Variants in GFRA1 observed in about 807,000 individuals in gnomAD.
GFRA1 encodes GDNF family receptor alpha-1.
Under a neutral mutation model 51.6 loss-of-function variants are expected in GFRA1, and 16 were observed. The ratio of observed to expected loss-of-function variants is 0.31; its 90% CI spans 0.21 to 0.47. The LOEUF is 0.47. GFRA1 is among the 20% of genes least tolerant of loss of function. The pLI is 1.00. For synonymous variants in GFRA1, 270 were observed against 241.3 expected (o/e 1.12, Z -1.10); for missense variants, 530 against 594.3 (o/e 0.89, Z 1.13).
intron 5 of GFRA1, among the ~76,000 whole-genome samples, chr10:116,174,951 C>T (rs11197568): frequency 0.13 from 19,373 of 152,066 alleles, 1,618 homozygotes; most frequent in East Asian, 0.25. Flanking sequence ...TGAGAAAGGC[C>T]CCACCACGGA....
rs552916944 is a variant in GFRA1, at chr10:116,174,034, C to T, written c.433+37597G>A. Among the ~76,000 whole-genome samples the T allele has an allele frequency of 5.9e-5, 9 of 152,106 alleles. No homozygotes were observed. In the East Asian group the frequency reaches 7.8e-4, roughly 13 times the overall value. ...GGCAGAGGTTGTGGTGAGCCAAGAT[C>T]GCACCATTGCACTCCAGCCTGGGCA... On this transcript the variant is annotated intron_variant, in intron 5 of 10. Coordinates refer to ENST00000355422, the MANE Select transcript of GFRA1 (RefSeq NM_005264.8).
intron 5 of GFRA1, among the ~76,000 whole-genome samples, chr10:116,130,069 G>A (rs1958042515): frequency 6.7e-6 from 1 of 148,638 alleles, no homozygotes; most frequent in African/African-American, 2.5e-5. Context: ...TTTATTTACA[G>A]CACGATCAAT....
At chr10:116,204,225 T>C (rs1257896025) in intron 5 of GFRA1, among the ~76,000 whole-genome samples, 1 of 152,184 alleles carries the variant, frequency 6.6e-6, no homozygotes, top group African/African-American at 2.4e-5. Context: ...AAATAACCAG[T>C]GAGAGGAGGC....
intron 5 of GFRA1, among the ~76,000 whole-genome samples, chr10:116,153,298 G>A (rs1312071311): frequency 1.3e-5 from 2 of 152,164 alleles, no homozygotes; most frequent in African/African-American, 2.4e-5. Flanking sequence ...AGCACCCAGG[G>A]TTACCATTTC....
intron 4 of GFRA1, chr10:116,255,860 C>G: frequency 1.9e-6 from 1 of 528,414 alleles, no homozygotes; most frequent in Non-Finnish European, 2.4e-6. Context: ...AGTAGAAAAT[C>G]AGTGTTTTGG....
chr10:116,099,501 C>T (rs1484451540), intron 6 of GFRA1, among the ~76,000 whole-genome samples: 1 of 152,218 alleles, frequency 6.6e-6, no homozygotes, highest in Non-Finnish European at 1.5e-5. Context: ...TAGCAATTAA[C>T]CTCTGGTCTT....
In GFRA1 at chr10:116,117,557, G is replaced by GTGGATGGATGGATGGA. The variant is rs75233028; in HGVS notation, c.770+7648_770+7663dup. On this transcript the variant is annotated intron_variant, in intron 6 of 10. Transcript: ENST00000355422. ...GATGGGTGGGTGGGTGGGTGGGTGT[G>GTGGATGGATGGATGGA]TGGATGGATGGATGGATGGATGGAT... 9.1e-3 allele frequency among the ~76,000 whole-genome samples: 883 copies of GTGGATGGATGGATGGA among 97,412 alleles called. 15 individuals carry two copies. Among genetic ancestry groups the GTGGATGGATGGATGGA allele is most frequent in the African/African-American group, 0.035 (834 of 23,802 alleles). 63.9% of individuals were successfully genotyped at this position (97,412 alleles called of 152,430 possible).
chr10:116,237,417 G>A (rs1269929426), intron 4 of GFRA1, among the ~76,000 whole-genome samples: 1 of 152,192 alleles, frequency 6.6e-6, no homozygotes, highest in Non-Finnish European at 1.5e-5. Flanking sequence ...AAGTCACACA[G>A]CTGCTATGTG....
intron 6 of GFRA1, among the ~76,000 whole-genome samples, chr10:116,103,680 A>C (rs899341002): frequency 6.6e-6 from 1 of 152,240 alleles, no homozygotes; most frequent in African/African-American, 2.4e-5. Flanking sequence ...TTAGAAAAAC[A>C]TGCTGCTAAT....
chr10:116,235,690 C>A (rs191695101), intron 4 of GFRA1, among the ~76,000 whole-genome samples: 1 of 152,150 alleles, frequency 6.6e-6, no homozygotes, highest in South Asian at 2.1e-4. Context: ...GAAGCCCTAA[C>A]CCCAATGTGA....
At position 116,060,159 on chromosome 10, in the gene GFRA1, C is replaced by CAAAG. The variant is rs1371024029; in HGVS notation, c.*4235_*4238dup. ...ATCTTTTTCAGAGGTCCAGCCCCCA[C>CAAAG]AAAGAATTCTAGACAACAGACTTAA... On this transcript the variant is annotated 3_prime_UTR_variant, in exon 11 of 11. Coordinates refer to ENST00000355422, the MANE Select transcript of GFRA1 (RefSeq NM_005264.8). 6.6e-6 allele frequency: 1 copy of CAAAG among 152,124 alleles called. No individual in the cohort carries two copies. The highest frequency in any genetic ancestry group is 1.5e-5 in the Non-Finnish European group (1 of 68,048). 9.4% of individuals were successfully genotyped at this position (152,124 alleles called of 1,614,324 possible).
upstream of GFRA1, among the ~76,000 whole-genome samples, chr10:116,273,670 TGTC>T (rs1844114205): frequency 3.9e-4 from 13 of 33,632 alleles, no homozygotes; most frequent in African/African-American, 1.3e-3. Flanking sequence ...TCTCTCTCTC[TGTC>T]TCTCTCTCTC....
At chr10:116,113,184 AT>A (rs5788134) in intron 6 of GFRA1, among the ~76,000 whole-genome samples, 10,107 of 148,352 alleles carry the variant, frequency 0.068, 528 homozygotes, top group African/African-American at 0.15. Context: ...CTTCTCCCTA[AT>A]TTTTTTTTTT....
At chr10:116,148,128 G>GT (rs1565610771) in intron 5 of GFRA1, among the ~76,000 whole-genome samples, 4 of 150,832 alleles carry the variant, frequency 2.7e-5, no homozygotes, top group African/African-American at 9.8e-5. Context: ...GCATGTGTGT[G>GT]GGGTGGGGGG....
chr10:116,157,724 T>G (rs1289329845), intron 5 of GFRA1, among the ~76,000 whole-genome samples: 1 of 152,210 alleles, frequency 6.6e-6, no homozygotes, highest in Admixed American at 6.5e-5. Flanking sequence ...TCTGTTCACA[T>G]GAATTGAATG....
Position 116,251,963 on chromosome 10 carries a change from C to CTTTTTTTTTTT in GFRA1, c.418+17529_418+17539dup, listed in dbSNP as rs3032041. On this transcript the variant is annotated intron_variant, in intron 4 of 10. Coordinates refer to ENST00000355422, the MANE Select transcript of GFRA1 (RefSeq NM_005264.8). ...AGAGGACACAGACAACAATAGGCCTCTTTTTTTTTTTTTTTTTTTTTTTTT... is the reference window on the plus strand; with the variant it reads ...AGAGGACACAGACAACAATAGGCCTCTTTTTTTTTTTTTTTTTTTTTTTTTTTTTTTTTTTT... Among the ~76,000 whole-genome samples the CTTTTTTTTTTT allele has an allele frequency of 1.5e-4, 12 of 79,800 alleles. 1 individual carries two copies. Among genetic ancestry groups the CTTTTTTTTTTT allele is most frequent in the East Asian group, 5.2e-4 (1 of 1,934 alleles). The allele number at this position is 79,800 out of a possible 152,430, so 52.4% of individuals were successfully genotyped here. A position where few individuals can be genotyped will look rare whatever the true frequency, so the allele number is the denominator to read the frequency against.
intron 4 of GFRA1, among the ~76,000 whole-genome samples, chr10:116,214,543 G>A (rs982732820): frequency 6.6e-6 from 1 of 152,154 alleles, no homozygotes; most frequent in African/African-American, 2.4e-5. Context: ...GGCTGAGCCA[G>A]GACCACATGA....
intron 2 of GFRA1, 36 bp from the exon 3 acceptor site, chr10:116,271,151 G>C (rs749510374): frequency 2.7e-5 from 43 of 1,567,260 alleles, no homozygotes; most frequent in Non-Finnish European, 3.7e-5. Flanking sequence ...GAGTGCGGCG[G>C]GCGGGGACCC....
At chr10:116,178,501 T>C (rs933087490) in intron 5 of GFRA1, among the ~76,000 whole-genome samples, 1 of 152,232 alleles carries the variant, frequency 6.6e-6, no homozygotes, top group African/African-American at 2.4e-5. Flanking sequence ...AAAAATCGAA[T>C]GTAGCAGTTT....
Sources: allele counts gnomAD v4.1 joint callset (sites outside exome capture counted in the v4.1 genomes callset), GRCh38; gene constraint gnomAD v4.1.1; transcripts MANE v1.5; gene names NCBI Gene and HGNC (gene_info 2026-07-23, HGNC 2026-07-21).